Variants in SHB observed in about 807,000 individuals in gnomAD.
SHB encodes SH2 domain-containing adapter protein B.
A neutral mutation model predicts 52.3 loss-of-function variants in SHB; 20 were observed. That is an observed-to-expected ratio of 0.38 (90% confidence interval 0.27 to 0.56). The LOEUF is 0.56. Among genes scored for constraint, SHB ranks in the 20% least tolerant of loss-of-function variants. SHB has a pLI of 0.71. For synonymous variants in SHB, 397 were observed against 316.5 expected, an observed-to-expected ratio of 1.25 and a Z score of -2.70; for missense variants, 825 against 723.3, an observed-to-expected ratio of 1.14 and a Z score of -1.61.
rs551728678 is a variant in SHB at position 38,020,811 on chromosome 9, G to A, written c.718-4680C>T. On this transcript the variant is annotated intron_variant, in intron 1 of 5. Transcript: ENST00000377707. ...CTTCTGCCCTGTCACCACCCTGAAA[G>A]TGACGGGGTGGGGGGGTGGCCCAAC... Among the ~76,000 whole-genome samples, 885 of 152,334 alleles carry A rather than the reference G, an allele frequency of 5.8e-3. 10 individuals are homozygous for A. Among genetic ancestry groups the A allele is most frequent in the African/African-American group, 0.02 (850 of 41,566 alleles).
At chr9:38,054,420 C>T (rs886344127) in intron 1 of SHB, among the ~76,000 whole-genome samples, 1 of 152,248 alleles carries the variant, frequency 6.6e-6, no homozygotes, top group Admixed American at 6.5e-5. Flanking sequence ...GGGAATCTGA[C>T]CTTGTTCCCC....
chr9:37,939,020 ACTC>A (rs1298049834), intron 5 of SHB, among the ~76,000 whole-genome samples: 1 of 150,356 alleles, frequency 6.7e-6, no homozygotes, highest in Non-Finnish European at 1.5e-5. Flanking sequence ...TTGACTCCTC[ACTC>A]CTCCTCCCTC....
chr9:38,006,438 G>C (rs1307538929), intron 2 of SHB, among the ~76,000 whole-genome samples: 2 of 152,140 alleles, frequency 1.3e-5, no homozygotes, highest in East Asian at 3.9e-4. Flanking sequence ...CAGGAGCTTT[G>C]CTGCAGATTA....
chr9:38,007,550 A>T (rs1403669468), intron 2 of SHB, among the ~76,000 whole-genome samples: 2 of 151,982 alleles, frequency 1.3e-5, no homozygotes, highest in Non-Finnish European at 2.9e-5. Context: ...CAGATCTGGC[A>T]TTCTTTGGAG....
chr9:37,992,355 C>T (rs550879750), intron 2 of SHB, among the ~76,000 whole-genome samples: 13 of 152,192 alleles, frequency 8.5e-5, no homozygotes, highest in Non-Finnish European at 1.6e-4. Flanking sequence ...GAGCTGAGAT[C>T]GCGCCATTGC....
chr9:37,939,765 T>C (rs1202978838), intron 5 of SHB, among the ~76,000 whole-genome samples: 1 of 152,192 alleles, frequency 6.6e-6, no homozygotes, highest in Non-Finnish European at 1.5e-5. Flanking sequence ...TCTCATCTCT[T>C]TACTCATTAA....
chr9:37,964,413 A>T (rs1035643421), intron 3 of SHB, among the ~76,000 whole-genome samples: 1 of 152,190 alleles, frequency 6.6e-6, no homozygotes, highest in East Asian at 1.9e-4. Context: ...TCCCCAGAGG[A>T]AAAATGAATG....
intron 5 of SHB, among the ~76,000 whole-genome samples, chr9:37,931,074 G>A (rs538713834): frequency 1.3e-5 from 2 of 152,244 alleles, no homozygotes; most frequent in Admixed American, 1.3e-4. Flanking sequence ...GCAAAAGAAT[G>A]AAACTGGACC....
chr9:37,945,913 G>A (rs1200026495), intron 5 of SHB, among the ~76,000 whole-genome samples: 3 of 152,206 alleles, frequency 2.0e-5, no homozygotes, highest in Admixed American at 1.3e-4. Context: ...AGGGAGCAGC[G>A]AGTGGCAGGA....
At chr9:38,000,659 T>G (rs1038109254) in intron 2 of SHB, among the ~76,000 whole-genome samples, 2 of 152,230 alleles carry the variant, frequency 1.3e-5, no homozygotes, top group Non-Finnish European at 2.9e-5. Flanking sequence ...GCAGTGTGAT[T>G]TGGCCTCCAA....
In SHB at chr9:38,067,882, C is replaced by T. The variant is rs1205186240; in HGVS notation, c.717+47G>A. The T allele has an allele frequency of 1.3e-5, 19 of 1,410,888 alleles. No homozygotes were observed. The East Asian group carries it at 5.7e-4, about 42-fold the overall frequency. The allele number at this position is 1,410,888 out of a possible 1,614,324, so 87.4% of individuals were successfully genotyped here. On this transcript the variant is annotated intron_variant, in intron 1 of 5. Transcript: ENST00000377707. ...CGGCGGGTGCCTCGGTTTCCCCGTG[C>T]GCACCGTGGCTCTGGAACCTCGGGA...
intron 5 of SHB, among the ~76,000 whole-genome samples, chr9:37,922,844 C>G (rs1374701476): frequency 6.6e-6 from 1 of 152,188 alleles, no homozygotes; most frequent in East Asian, 1.9e-4. Context: ...GGGAGGCTGA[C>G]TAGATGACCC....
chr9:37,952,568 C>T (rs1029885965), intron 4 of SHB, among the ~76,000 whole-genome samples: 3 of 152,070 alleles, frequency 2.0e-5, no homozygotes, highest in African/African-American at 4.8e-5. Flanking sequence ...GTCAGGTTGG[C>T]GTGAGGAGGG....
intron 1 of SHB, among the ~76,000 whole-genome samples, chr9:38,026,006 G>A (rs1332307438): frequency 1.3e-5 from 2 of 152,168 alleles, no homozygotes; most frequent in Non-Finnish European, 2.9e-5. Flanking sequence ...CTTAATTCGA[G>A]GCATTTTTCT....
chr9:37,938,123 A>G (rs965203573), intron 5 of SHB, among the ~76,000 whole-genome samples: 1 of 152,218 alleles, frequency 6.6e-6, no homozygotes, highest in Non-Finnish European at 1.5e-5. Flanking sequence ...CCTACAGCAC[A>G]AAGGCTCTGC....
intron 1 of SHB, among the ~76,000 whole-genome samples, chr9:38,058,064 C>A (rs559102343): frequency 6.6e-6 from 1 of 152,316 alleles, no homozygotes; most frequent in African/African-American, 2.4e-5. Flanking sequence ...TTCCTCTATC[C>A]CTGGCAAATA....
chr9:37,920,317 AAAC>A (rs1251911765), intron 5 of SHB, among the ~76,000 whole-genome samples: 1 of 146,274 alleles, frequency 6.8e-6, no homozygotes, highest in Admixed American at 6.8e-5. Context: ...AAACAAAACA[AAAC>A]AAAACAAAAC....
intron 5 of SHB, among the ~76,000 whole-genome samples, chr9:37,925,494 G>A (rs1832238185): frequency 6.6e-6 from 1 of 152,198 alleles, no homozygotes; most frequent in South Asian, 2.1e-4. Flanking sequence ...CTTCCCTTAG[G>A]ATTTGGAAAG....
intron 1 of SHB, among the ~76,000 whole-genome samples, chr9:38,029,884 G>A (rs1436198895): frequency 1.3e-5 from 2 of 152,220 alleles, no homozygotes; most frequent in Non-Finnish European, 2.9e-5. Context: ...AAGTAAATGT[G>A]TACACATTTG....
Sources: allele counts gnomAD v4.1 joint callset (sites outside exome capture counted in the v4.1 genomes callset), GRCh38; gene constraint gnomAD v4.1.1; transcripts MANE v1.5; gene names NCBI Gene and HGNC (gene_info 2026-07-23, HGNC 2026-07-21).